CDC37: variants seen among roughly 807,000 people sequenced by gnomAD.
CDC37 encodes cell division cycle 37, HSP90 cochaperone, also known as hsp90 co-chaperone Cdc37.
Under a neutral mutation model 46.9 loss-of-function variants are expected in CDC37, and 9 were observed. That is an observed-to-expected ratio of 0.19 (90% confidence interval 0.12 to 0.33). CDC37 has a LOEUF of 0.33. CDC37 is among the 10% of genes least tolerant of loss of function. CDC37 has a pLI of 1.00. For synonymous variants in CDC37, 193 were observed against 191.0 expected (o/e 1.01, Z -0.09); for missense variants, 388 against 514.6 (o/e 0.75, Z 2.38).
chr19:10,396,259 C>A lies in CDC37; in HGVS notation c.103-56G>T. On this transcript the variant is annotated intron_variant, in intron 1 of 7. Transcript: ENST00000222005. The surrounding 1 kb of genome is among the most constrained non-coding windows in gnomAD (Gnocchi z 5.9). ...GGAGTCGTCTGTCCCTTACCCCCGC[C>A]CCATACCCAATCCCTGCACCGGAGA... is the stretch of plus-strand genomic sequence containing the variant. 6.4e-7 allele frequency: 1 copy of A among 1,553,884 alleles called. No homozygotes were observed. The highest frequency in any genetic ancestry group is 8.7e-7 in the Non-Finnish European group (1 of 1,145,900).
chr19:10,403,404 C>A lies in CDC37; in HGVS notation c.76G>T (p.Ala26Ser). 1 of 1,613,122 alleles carries A rather than the reference C, an allele frequency of 6.2e-7. No individual in the cohort carries two copies. The highest frequency in any genetic ancestry group is 1.1e-5 in the South Asian group (1 of 91,046). The change falls in exon 1 of 8, where the codon GCC becomes TCC. Residue 26 changes from alanine to serine, a missense_variant. Ala to Ser is a moderately conservative substitution (Grantham distance 99). Coordinates refer to ENST00000222005, the MANE Select transcript of CDC37 (RefSeq NM_007065.4). Reference protein sequence around the residue: ...EDETHPNIDTASLFRWRHQAR... With the variant: ...EDETHPNIDTSSLFRWRHQAR... ...TGATGCCGCCAGCGGAAGAGACTGGCCGTGTCGATGTTGGGGTGCGTCTCG... is the reference window on the plus strand; with the variant it reads ...TGATGCCGCCAGCGGAAGAGACTGGACGTGTCGATGTTGGGGTGCGTCTCG...
intron 7 of CDC37, 122 bp downstream of exon 7, chr19:10,392,964 C>A (rs1464149528): frequency 2.4e-6 from 2 of 824,260 alleles, no homozygotes; most frequent in Admixed American, 1.9e-5. Flanking sequence ...GACACGACCC[C>A]CCTTACTCCT....
chr19:10,392,741 C>T (rs932196005), intron 7 of CDC37: 7 of 331,404 alleles, frequency 2.1e-5, no homozygotes, highest in Admixed American at 9.3e-5. Context: ...TAACAGCCAG[C>T]GTTTACCAGC....
rs753032708 is a variant in CDC37 at position 10,393,072 on chromosome 19, C to A, written c.981+14G>T. On this transcript the variant is annotated intron_variant, in intron 7 of 7. Coordinates refer to ENST00000222005, the MANE Select transcript of CDC37 (RefSeq NM_007065.4). This position sits in a 1 kb window ranked among gnomAD's most constrained non-coding sequence, Gnocchi z 4.9. ...CGGCCCGCCGGGAAGGCATGGGGCG[C>A]GGGGGTTACTCACGGTGGGGTCCAT... The A allele has an allele frequency of 5.6e-6, 9 of 1,611,936 alleles. No individual in the cohort carries two copies. Among genetic ancestry groups the A allele is most frequent in the Non-Finnish European group, 7.6e-6 (9 of 1,178,120 alleles).
chr19:10,394,902 G>C, intron 5 of CDC37, 119 bp downstream of exon 5: 1 of 1,111,960 alleles, frequency 9.0e-7, no homozygotes. Context: ...TCCTGATCTA[G>C]GATGCGGTGA....
chr19:10,395,952 C>T lies in CDC37; in HGVS notation c.354G>A (p.Thr118=), dbSNP rs748252155. Residue 118 remains threonine (T), a synonymous_variant, in exon 2 of 8, where the codon ACG becomes ACA. Coordinates refer to ENST00000222005, the MANE Select transcript of CDC37 (RefSeq NM_007065.4). ...KEKSMPWNVD[T]LSKDGFSKSM... Reference sequence around the variant, plus strand: ...CCTTGCTGAAGCCGTCTTTGCTGAGCGTGTCCACGTTCCAGGGCATGCTCT... The same window carrying T: ...CCTTGCTGAAGCCGTCTTTGCTGAGTGTGTCCACGTTCCAGGGCATGCTCT... 1.5e-6 allele frequency: 2 copies of T among 1,361,862 alleles called. No homozygotes were observed. The highest frequency in any genetic ancestry group is 2.0e-6 in the Non-Finnish European group (2 of 1,014,672). The allele number at this position is 1,361,862 out of a possible 1,614,324, so 84.4% of individuals were successfully genotyped here. A position where few individuals can be genotyped will look rare whatever the true frequency, so the allele number is the denominator to read the frequency against.
At chr19:10,399,931 T>TAAAA (rs56162717) in intron 1 of CDC37, among the ~76,000 whole-genome samples, 4 of 48,318 alleles carry the variant, frequency 8.3e-5, no homozygotes, top group Non-Finnish European at 1.1e-4. Context: ...GACTCCGTCT[T>TAAAA]AAAAAAAAAA....
At position 10,391,322 on chromosome 19, in the gene CDC37, G is replaced by A; in HGVS notation, c.*229C>T. The A allele has an allele frequency of 1.8e-6, 1 of 566,212 alleles. No individual in the cohort carries two copies. The highest frequency in any genetic ancestry group is 3.1e-5 in the East Asian group (1 of 32,134). The allele number at this position is 566,212 out of a possible 1,614,324, so 35.1% of individuals were successfully genotyped here. A position where few individuals can be genotyped will look rare whatever the true frequency, so the allele number is the denominator to read the frequency against. On this transcript the variant is annotated 3_prime_UTR_variant, in exon 8 of 8. Coordinates refer to ENST00000222005, the MANE Select transcript of CDC37 (RefSeq NM_007065.4). Reference sequence around the variant, plus strand: ...CGGACCCCCGGGCCTTTGGCATAATGCTGATGGGGGGCTGCAGGCAGTGAA... The same window carrying A: ...CGGACCCCCGGGCCTTTGGCATAATACTGATGGGGGGCTGCAGGCAGTGAA...
chr19:10,395,596 G>A (rs760995580), intron 2 of CDC37, 53 bp from the exon 3 acceptor site: 6 of 1,405,010 alleles, frequency 4.3e-6, no homozygotes, highest in East Asian at 2.3e-5. Context: ...GGAGCGCCTC[G>A]AGCGCGGCCG....
chr19:10,395,904 G>GCCCCCCCCCCCCCCCC, intron 2 of CDC37, 24 bp downstream of exon 2: 2 of 1,541,894 alleles, frequency 1.3e-6, no homozygotes, highest in Non-Finnish European at 8.9e-7. Flanking sequence ...CATGCGCACT[G>GCCCCCCCCCCCCCCCC]CCCGCCCCGC....
In CDC37 at chr19:10,393,156, T is replaced by C. The variant is rs2042467165; in HGVS notation, c.911A>G (p.Glu304Gly). 5 of 1,613,840 alleles carry C rather than the reference T, an allele frequency of 3.1e-6. No individual in the cohort carries two copies. Among genetic ancestry groups the C allele is most frequent in the Non-Finnish European group, 4.2e-6 (5 of 1,179,886 alleles). The change falls in exon 7 of 8, where the codon GAA becomes GGA. Residue 304 changes from glutamate to glycine, a missense_variant and splice_region_variant. Glu to Gly is a moderately conservative substitution (Grantham distance 98). Around this residue, in one of 2 missense-constraint regions of CDC37, gnomAD observed 374 missense variants for 467.4 expected, o/e 0.80. Transcript: ENST00000222005. This position sits in a 1 kb window ranked among gnomAD's most constrained non-coding sequence, Gnocchi z 4.9. Reference protein sequence around the residue: ...PVEVYESLPEELQKCFDVKDV... With the variant: ...PVEVYESLPEGLQKCFDVKDV... Reference sequence around the variant, plus strand: ...CTTCACATCGAAGCACTTCTGGAGTTCCTGGGGGTACAGAGGGGCTGGGGT... The same window carrying C: ...CTTCACATCGAAGCACTTCTGGAGTCCCTGGGGGTACAGAGGGGCTGGGGT...
chr19:10,396,305 C>T lies in CDC37; in HGVS notation c.103-102G>A, dbSNP rs2042492121. 1.3e-5 allele frequency: 17 copies of T among 1,339,508 alleles called. No individual in the cohort carries two copies. The highest frequency in any genetic ancestry group is 1.5e-5 in the African/African-American group (1 of 68,230). 83.0% of individuals were successfully genotyped at this position (1,339,508 alleles called of 1,614,324 possible). A position where few individuals can be genotyped will look rare whatever the true frequency, so the allele number is the denominator to read the frequency against. ...GGAGATGGCCCCAGGAAAAAGTACG[C>T]GTCCACCTCCCGTGCCCTGGTCTCC... On this transcript the variant is annotated intron_variant, in intron 1 of 7. Coordinates refer to ENST00000222005, the MANE Select transcript of CDC37 (RefSeq NM_007065.4). The surrounding 1 kb of genome is among the most constrained non-coding windows in gnomAD (Gnocchi z 5.9).
rs1180690297 is a variant in CDC37, at chr19:10,403,451, AT to A, written c.28del (p.Ile10LeufsTer59). MVDYSVWDH[I>X]EVSDDEDETH... ...CTCGTCTTCATCATCAGACACCTCA[AT>A]GTGGTCCCACACGCTGTAGTCCACC... On this transcript the variant is annotated frameshift_variant, in exon 1 of 8. Transcript: ENST00000222005. LOFTEE classifies it high-confidence loss of function. 1 of 1,613,538 alleles carries A rather than the reference AT, an allele frequency of 6.2e-7. No homozygotes were observed. The highest frequency in any genetic ancestry group is 1.7e-5 in the Admixed American group (1 of 60,022).
intron 7 of CDC37, among the ~76,000 whole-genome samples, chr19:10,392,038 G>A (rs1418676743): frequency 6.6e-6 from 1 of 152,170 alleles, no homozygotes; most frequent in African/African-American, 2.4e-5. Flanking sequence ...CTGCCCTTAG[G>A]TGATCTGCCT....
At chr19:10,395,602 G>A (rs761527270) in intron 2 of CDC37, 59 bp from the exon 3 acceptor site, 8 of 1,304,898 alleles carry the variant, frequency 6.1e-6, no homozygotes, top group Admixed American at 3.4e-5. Flanking sequence ...CCTCGAGCGC[G>A]GCCGGGCGGG....
chr19:10,400,017 C>T (rs1262719960), intron 1 of CDC37, among the ~76,000 whole-genome samples: 1 of 151,472 alleles, frequency 6.6e-6, no homozygotes, highest in Non-Finnish European at 1.5e-5. Context: ...CTGGAGCCTG[C>T]CCACCACCCT....
chr19:10,402,157 CAAAAAAAA>C (rs753021871), intron 1 of CDC37, among the ~76,000 whole-genome samples: 3 of 63,838 alleles, frequency 4.7e-5, no homozygotes, highest in South Asian at 6.0e-4. Context: ...AACTTCGTCT[CAAAAAAAA>C]AAAAAAAAAA....
At position 10,393,307 on chromosome 19, in the gene CDC37, G is replaced by A. The variant is rs376420796; in HGVS notation, c.861C>T (p.Leu287=). The A allele has an allele frequency of 5.1e-5, 82 of 1,613,598 alleles. No individual in the cohort carries two copies. The highest frequency in any genetic ancestry group is 6.3e-5 in the Non-Finnish European group (74 of 1,179,874). The part of the protein sequence containing the change: ...EYEEEERKKR[L]GPGGLDPVEV... ...CGACGGGGTCCAGGCCGCCGGGGCC[G>A]AGCCGCTTCTTGCGCTCCTCCTCCT... The change falls in exon 6 of 8, where the codon CTC becomes CTT. Residue 287 remains leucine, a synonymous_variant. Coordinates refer to ENST00000222005, the MANE Select transcript of CDC37 (RefSeq NM_007065.4). This position sits in a 1 kb window ranked among gnomAD's most constrained non-coding sequence, Gnocchi z 4.9.
At position 10,391,434 on chromosome 19, in the gene CDC37, G is replaced by T. The variant is rs2042455977; in HGVS notation, c.*117C>A. On this transcript the variant is annotated 3_prime_UTR_variant, in exon 8 of 8. Transcript: ENST00000222005. ...AGGGAGGGCTGGGCGGGCCCCCCAGGCTGGGCCGAGCAGCGCAAGTAGAGG... is the reference window on the plus strand; with the variant it reads ...AGGGAGGGCTGGGCGGGCCCCCCAGTCTGGGCCGAGCAGCGCAAGTAGAGG... 1 of 1,316,652 alleles carries T rather than the reference G, an allele frequency of 7.6e-7. No homozygotes were observed. The highest frequency in any genetic ancestry group is 1.1e-6 in the Non-Finnish European group (1 of 917,908). 81.6% of individuals were successfully genotyped at this position (1,316,652 alleles called of 1,614,324 possible). A position where few individuals can be genotyped will look rare whatever the true frequency, so the allele number is the denominator to read the frequency against.
Sources: allele counts gnomAD v4.1 joint callset (sites outside exome capture counted in the v4.1 genomes callset), GRCh38; gene constraint gnomAD v4.1.1; regional missense constraint gnomAD v4.1.1; non-coding constraint Gnocchi (gnomAD v3.1); transcripts MANE v1.5; gene names NCBI Gene and HGNC (gene_info 2026-07-23, HGNC 2026-07-21).